CCDC13: variants seen among roughly 807,000 people sequenced by gnomAD.
The protein encoded by CCDC13 is coiled-coil domain-containing protein 13.
CCDC13 carries 70 observed loss-of-function variants against 87.3 expected under a neutral mutation model. That is an observed-to-expected ratio of 0.80 (90% CI 0.66 to 0.98). The LOEUF (loss-of-function observed/expected upper bound fraction) is 0.98. Among genes scored for constraint, CCDC13 ranks in the 50% least tolerant of loss-of-function variants. The probability of loss-of-function intolerance (pLI) is 0.00; values close to 1 mark genes in which losing one functional copy is unlikely to be tolerated. For synonymous variants in CCDC13, 317 were observed against 360.3 expected (o/e 0.88, Z 1.36); for missense variants, 842 against 892.0 (o/e 0.94, Z 0.71).
In CCDC13 at chr3:42,733,585, C is replaced by T; in HGVS notation, c.1396G>A (p.Glu466Lys). 6.2e-7 allele frequency: 1 copy of T among 1,611,452 alleles called. No homozygotes were observed. The highest frequency in any genetic ancestry group is 8.5e-7 in the Non-Finnish European group (1 of 1,178,810). ...CTGACCTCGCGGCCACTGGACCCCTCACCCACTCCTTTATTCCGAAGATAC... is the reference window on the plus strand; with the variant it reads ...CTGACCTCGCGGCCACTGGACCCCTTACCCACTCCTTTATTCCGAAGATAC... ...VHYLRNKGVG[E>K]GSSGREVSPA... The change falls in exon 11 of 16, where the codon GAG becomes AAG. Residue 466 changes from glutamate (E) to lysine (K), a missense_variant. Coordinates refer to ENST00000310232, the MANE Select transcript of CCDC13 (RefSeq NM_144719.4).
At chr3:42,728,230 C>T (rs1698735940) in intron 13 of CCDC13, among the ~76,000 whole-genome samples, 1 of 152,198 alleles carries the variant, frequency 6.6e-6, no homozygotes, top group South Asian at 2.1e-4. Flanking sequence ...CTGCCTGAGG[C>T]ACTTTCCACT....
chr3:42,733,347 G>T, intron 11 of CCDC13, 123 bp downstream of exon 11: 2 of 1,247,512 alleles, frequency 1.6e-6, no homozygotes. Flanking sequence ...CGTATTGGAA[G>T]AACAACAGCA....
intron 1 of CCDC13, among the ~76,000 whole-genome samples, chr3:42,760,070 T>C (rs764904292): frequency 9.9e-5 from 15 of 152,054 alleles, no homozygotes; most frequent in Non-Finnish European, 1.9e-4. Flanking sequence ...GGTGGGTGGA[T>C]AAACTGAGGT....
intron 12 of CCDC13, among the ~76,000 whole-genome samples, chr3:42,732,109 C>A (rs1698849680): frequency 6.6e-6 from 1 of 152,356 alleles, no homozygotes; most frequent in Middle Eastern, 3.4e-3. Flanking sequence ...AGGAGCGTGG[C>A]ACATGCCTTG....
chr3:42,745,775 AAAC>A (rs1699374974), intron 7 of CCDC13, 145 bp downstream of exon 7: 5 of 542,206 alleles, frequency 9.2e-6, no homozygotes, highest in Non-Finnish European at 1.6e-5. Context: ...CGAGAAGGTA[AAAC>A]AACAACCCCG....
In CCDC13 at chr3:42,732,877, G is replaced by A. The variant is rs746272549; in HGVS notation, c.1595+10C>T. The stretch of plus-strand genomic sequence containing the variant: ...AAAACTGTGAGAGTCCGGGGGTCGG[G>A]GGTCCATACCTAGGTGAGGTCCTGT... On this transcript the variant is annotated intron_variant, in intron 12 of 15. Transcript: ENST00000310232. The A allele has an allele frequency of 1.3e-6, 2 of 1,550,652 alleles. No individual in the cohort carries two copies. Among genetic ancestry groups the A allele is most frequent in the Non-Finnish European group, 1.7e-6 (2 of 1,146,254 alleles).
In CCDC13 at chr3:42,720,750, T is replaced by C. The variant is rs146292045; in HGVS notation, c.1719-7434A>G. 5.3e-4 allele frequency among the ~76,000 whole-genome samples: 80 copies of C among 152,330 alleles called. No homozygotes were observed. The East Asian group carries it at 0.013, about 25-fold the overall frequency. On this transcript the variant is annotated intron_variant, in intron 13 of 15. Coordinates refer to ENST00000310232, the MANE Select transcript of CCDC13 (RefSeq NM_144719.4). ...AATTAATTGTAAAAGACATTCTGTGTGTGAACATACTGACTAAAGTTAAAG... is the reference window on the plus strand; with the variant it reads ...AATTAATTGTAAAAGACATTCTGTGCGTGAACATACTGACTAAAGTTAAAG...
chr3:42,752,431 G>T, intron 4 of CCDC13, 144 bp downstream of exon 4: 1 of 973,138 alleles, frequency 1.0e-6, no homozygotes, highest in Non-Finnish European at 1.5e-6. Flanking sequence ...TTAAAATGCA[G>T]CACCACCATA....
At chr3:42,744,513 T>G (rs188952403) in intron 7 of CCDC13, among the ~76,000 whole-genome samples, 1 of 152,094 alleles carries the variant, frequency 6.6e-6, no homozygotes, top group Admixed American at 6.5e-5. Flanking sequence ...CTTTAAGAAT[T>G]TGACATACAG....
intron 14 of CCDC13, among the ~76,000 whole-genome samples, chr3:42,710,853 C>T (rs964596571): frequency 3.3e-5 from 5 of 152,210 alleles, no homozygotes; most frequent in Middle Eastern, 3.4e-3. Context: ...GCTTATTCCA[C>T]GCATTGAGCA....
intron 15 of CCDC13, 40 bp downstream of exon 15, chr3:42,709,644 G>T (rs1038010020): frequency 5.8e-6 from 9 of 1,545,684 alleles, no homozygotes; most frequent in Admixed American, 5.0e-5. Context: ...CCTCTGCTCA[G>T]ACAACCCTAC....
chr3:42,769,501 C>T (rs1700007907), intron 1 of CCDC13, among the ~76,000 whole-genome samples: 1 of 152,266 alleles, frequency 6.6e-6, no homozygotes, highest in African/African-American at 2.4e-5. Context: ...AATATATCCA[C>T]ACAAAAACCT....
chr3:42,709,239 T>A, intron 15 of CCDC13, 100 bp from the exon 16 acceptor site: 1 of 1,278,062 alleles, frequency 7.8e-7, no homozygotes, highest in Non-Finnish European at 1.1e-6. Context: ...ATGGCTGCTC[T>A]TCAGGCTCAG....
At chr3:42,749,905 A>G (rs1410887294) in intron 5 of CCDC13, 1 of 456,670 alleles carries the variant, frequency 2.2e-6, no homozygotes, top group Non-Finnish European at 4.4e-6. Context: ...TGGAATGTGG[A>G]TTGAGCCTGC....
chr3:42,747,304 G>T lies in CCDC13; in HGVS notation c.673C>A (p.Arg225=), dbSNP rs186928386. 8.1e-6 allele frequency: 13 copies of T among 1,613,994 alleles called. No homozygotes were observed. In the African/African-American group the frequency reaches 1.6e-4, roughly 20 times the overall value. ...VATNLKMSDL[R]NQIQSVKQEL... is the part of the protein sequence containing the mutation. ...TGCTTCACAGACTGGATCTGGTTTC[G>T]GAGGTCACTCATCTTCAAGTTGGTG... Residue 225 remains arginine (R), a synonymous_variant, in exon 6 of 16, where the codon CGA becomes AGA. Transcript: ENST00000310232.
intron 7 of CCDC13, chr3:42,745,133 T>C (rs1699357944): frequency 6.6e-6 from 1 of 152,230 alleles, no homozygotes; most frequent in South Asian, 2.1e-4. Context: ...TAAAAGCCAC[T>C]GTGACCCTCG....
chr3:42,713,708 G>T (rs1345057374), intron 13 of CCDC13, among the ~76,000 whole-genome samples: 1 of 152,132 alleles, frequency 6.6e-6, no homozygotes, highest in Non-Finnish European at 1.5e-5. Context: ...TTTTATTTTA[G>T]TACTCTCCTC....
chr3:42,740,110 A>G (rs1214711192), intron 8 of CCDC13, among the ~76,000 whole-genome samples: 1 of 152,122 alleles, frequency 6.6e-6, no homozygotes, highest in Non-Finnish European at 1.5e-5. Flanking sequence ...CCGCCAGCCA[A>G]CTGCGTGTGT....
intron 12 of CCDC13, chr3:42,732,584 T>A (rs1698869028): frequency 2.6e-6 from 1 of 386,480 alleles, no homozygotes; most frequent in South Asian, 4.4e-5. Context: ...TGATTCTCAA[T>A]GAGCAAGAGA....
Sources: gnomAD v4.1 joint callset for allele counts (sites outside exome capture counted in the v4.1 genomes callset) on GRCh38, gnomAD v4.1.1 for gene constraint, MANE v1.5 for transcripts, NCBI Gene and HGNC (gene_info 2026-07-23, HGNC 2026-07-21) for gene names.